EEPD1: variants seen among roughly 807,000 people sequenced by gnomAD.
The protein encoded by EEPD1 is endonuclease/exonuclease/phosphatase family domain-containing protein 1.
EEPD1 carries 17 observed loss-of-function variants against 46.3 expected under a neutral mutation model. The ratio of observed to expected loss-of-function variants is 0.37; its 90% confidence interval spans 0.25 to 0.55. The LOEUF (loss-of-function observed/expected upper bound fraction) is 0.55. Ranked by LOEUF, EEPD1 falls within the 20% of genes least tolerant of loss-of-function variation. The pLI, the probability that EEPD1 is intolerant of heterozygous loss-of-function variation, is 0.83. For synonymous variants in EEPD1, 313 were observed against 315.6 expected (o/e 0.99, Z 0.09); for missense variants, 673 against 745.6 (o/e 0.90, Z 1.13).
intron 2 of EEPD1, among the ~76,000 whole-genome samples, chr7:36,165,142 TCACC>T (rs1784961657): frequency 6.6e-6 from 1 of 152,174 alleles, no homozygotes; most frequent in South Asian, 2.1e-4. Context: ...CTTTCACCAC[TCACC>T]CACTCACTCA....
chr7:36,185,114 T>C (rs1785342996), intron 2 of EEPD1, among the ~76,000 whole-genome samples: 1 of 152,234 alleles, frequency 6.6e-6, no homozygotes, highest in Non-Finnish European at 1.5e-5. Context: ...CTTTGTGCTC[T>C]CCCCACACAG....
chr7:36,191,673 C>T (rs1169721405), intron 2 of EEPD1, among the ~76,000 whole-genome samples: 1 of 152,242 alleles, frequency 6.6e-6, no homozygotes, highest in Non-Finnish European at 1.5e-5. Flanking sequence ...GTGACGTGTT[C>T]AGCTGCCTGG....
intron 2 of EEPD1, among the ~76,000 whole-genome samples, chr7:36,237,067 A>AGAC (rs1786462909): frequency 6.6e-6 from 1 of 152,172 alleles, no homozygotes; most frequent in African/African-American, 2.4e-5. Context: ...GAAGTCAGGG[A>AGAC]GACCACCAAC....
rs749392477 is a variant in EEPD1 at position 36,154,980 on chromosome 7, C to T, written c.656C>T (p.Pro219Leu). Residue 219 changes from proline to leucine, a missense_variant, in exon 2 of 8, where the codon CCG (proline) becomes CTG (leucine). By Grantham distance (98) the Pro-to-Leu change is moderately conservative. Transcript: ENST00000242108. The surrounding 1 kb of genome is among the most constrained non-coding windows in gnomAD (Gnocchi z 4.2). ...CTGACCTTCACCGCCAAGCCTCACC[C>T]GAGCCCCACTTCCCTGAGCCTGCAG... Reference protein sequence around the residue: ...GGLTFTAKPHPSPTSLSLQSE... With the variant: ...GGLTFTAKPHLSPTSLSLQSE... 1.9e-6 allele frequency: 3 copies of T among 1,613,452 alleles called. No homozygotes were observed. The highest frequency in any genetic ancestry group is 2.2e-5 in the East Asian group (1 of 44,880).
At chr7:36,219,806 A>AGTGTGTGTGTGTGTGTGTGT (rs70977121) in intron 2 of EEPD1, among the ~76,000 whole-genome samples, 2 of 75,434 alleles carry the variant, frequency 2.7e-5, no homozygotes, top group Non-Finnish European at 5.3e-5. Flanking sequence ...AGAGAGAGAG[A>AGTGTGTGTGTGTGTGTGTGT]GTGTGTGTGT....
chr7:36,281,097 T>C lies in EEPD1; in HGVS notation c.931-18T>C. 2 of 1,613,268 alleles carry C rather than the reference T, an allele frequency of 1.2e-6. No individual in the cohort carries two copies. The highest frequency in any genetic ancestry group is 1.7e-5 in the Admixed American group (1 of 60,010). On this transcript the variant is annotated intron_variant, in intron 3 of 7. Coordinates refer to ENST00000242108, the MANE Select transcript of EEPD1 (RefSeq NM_030636.3). ...TAGGCGCGAACCCACGCTTCTGACC[T>C]GTGCTCTGTCTTTGCAGTTCTGCAC...
intron 2 of EEPD1, among the ~76,000 whole-genome samples, chr7:36,161,144 T>C (rs1784896673): frequency 6.6e-6 from 1 of 152,164 alleles, no homozygotes; most frequent in Non-Finnish European, 1.5e-5. Flanking sequence ...CTGGGGACTT[T>C]AGGTGACTAT....
At chr7:36,167,588 CCA>C (rs1228639562) in intron 2 of EEPD1, among the ~76,000 whole-genome samples, 1 of 152,078 alleles carries the variant, frequency 6.6e-6, no homozygotes, top group East Asian at 1.9e-4. Flanking sequence ...GCAGCAGCCT[CCA>C]GTTTGCCAAG....
intron 2 of EEPD1, among the ~76,000 whole-genome samples, chr7:36,188,011 T>A (rs1785392004): frequency 6.6e-6 from 1 of 150,822 alleles, no homozygotes; most frequent in Non-Finnish European, 1.5e-5. Flanking sequence ...TTGGTCAGGC[T>A]GGTCTTGAAC....
chr7:36,285,874 C>T (rs1004028055), intron 5 of EEPD1, among the ~76,000 whole-genome samples: 1 of 152,172 alleles, frequency 6.6e-6, no homozygotes. Flanking sequence ...GGTGTGTGCT[C>T]ACCCTGGGGG....
chr7:36,172,966 T>G (rs59122714), intron 2 of EEPD1, among the ~76,000 whole-genome samples: 1 of 150,274 alleles, frequency 6.7e-6, no homozygotes, highest in African/African-American at 2.5e-5. Flanking sequence ...GGTCTGGTAC[T>G]ACCTCCAGGT....
intron 5 of EEPD1, among the ~76,000 whole-genome samples, chr7:36,285,960 T>C (rs1787336433): frequency 6.6e-6 from 1 of 152,150 alleles, no homozygotes. Flanking sequence ...CATGTACACC[T>C]GGGGGTGTCC....
chr7:36,251,436 G>A (rs1428926642), intron 3 of EEPD1, among the ~76,000 whole-genome samples: 2 of 152,052 alleles, frequency 1.3e-5, no homozygotes, highest in Admixed American at 6.6e-5. Context: ...TCAGCCTCCC[G>A]AGTAGCTGGG....
intron 3 of EEPD1, among the ~76,000 whole-genome samples, chr7:36,276,855 G>C (rs1000969502): frequency 7.2e-5 from 11 of 152,252 alleles, no homozygotes; most frequent in African/African-American, 2.7e-4. Flanking sequence ...TTAGCCACTG[G>C]GGATTCAGAA....
At chr7:36,183,440 T>G (rs1461018878) in intron 2 of EEPD1, among the ~76,000 whole-genome samples, 1 of 152,148 alleles carries the variant, frequency 6.6e-6, no homozygotes, top group Non-Finnish European at 1.5e-5. Flanking sequence ...ACGCCCGGCT[T>G]CTGTCACAGG....
rs537716106 is a variant in EEPD1 at position 36,236,945 on chromosome 7, C to A, written c.879-2040C>A. ...AGGGGCAACCCGCTCGCCTACCATACCAGGCTGTGGAAGCTTCGTTCTTTT... is the reference window on the plus strand; with the variant it reads ...AGGGGCAACCCGCTCGCCTACCATAACAGGCTGTGGAAGCTTCGTTCTTTT... On this transcript the variant is annotated intron_variant, in intron 2 of 7. Transcript: ENST00000242108. Among the ~76,000 whole-genome samples, 12 of 152,330 alleles carry A rather than the reference C, an allele frequency of 7.9e-5. No homozygotes were observed. The South Asian group carries it at 2.3e-3, about 29-fold the overall frequency.
chr7:36,198,184 A>C (rs531986623), intron 2 of EEPD1, among the ~76,000 whole-genome samples: 1 of 152,100 alleles, frequency 6.6e-6, no homozygotes, highest in African/African-American at 2.4e-5. Context: ...TTTGAAGAAA[A>C]GTTTGTGTGT....
intron 2 of EEPD1, among the ~76,000 whole-genome samples, chr7:36,166,275 C>G (rs1026720902): frequency 6.6e-6 from 1 of 152,090 alleles, no homozygotes; most frequent in Non-Finnish European, 1.5e-5. Context: ...GAATTTGTAA[C>G]AAAAAATGCA....
At position 36,261,022 on chromosome 7, in the gene EEPD1, G is replaced by A. The variant is rs1786913717; in HGVS notation, c.931-20093G>A. Among the ~76,000 whole-genome samples, 3 of 152,186 alleles carry A rather than the reference G, an allele frequency of 2.0e-5. No individual in the cohort carries two copies. The South Asian group carries it at 6.2e-4, about 31-fold the overall frequency. On this transcript the variant is annotated intron_variant, in intron 3 of 7. Coordinates refer to ENST00000242108, the MANE Select transcript of EEPD1 (RefSeq NM_030636.3). ...GTACCATTTTATATCAGGGACTTGA[G>A]CATCTGTGGATTTTGGTATTTGAGG... is the stretch of plus-strand genomic sequence containing the variant.
Sources: allele counts gnomAD v4.1 joint callset (sites outside exome capture counted in the v4.1 genomes callset), GRCh38; gene constraint gnomAD v4.1.1; non-coding constraint Gnocchi (gnomAD v3.1); transcripts MANE v1.5; gene names NCBI Gene and HGNC (gene_info 2026-07-23, HGNC 2026-07-21).